Variants in PROSER2 observed in about 807,000 individuals in gnomAD.
PROSER2 encodes the protein proline and serine-rich protein 2.
PROSER2 carries 18 observed loss-of-function variants against 14.6 expected under a neutral mutation model. The ratio of observed to expected loss-of-function variants is 1.23; its 90% CI spans 0.85 to 1.83. The LOEUF (loss-of-function observed/expected upper bound fraction) is 1.83, where lower values mean the gene tolerates loss of function less well. PROSER2 is among the 40% of genes most tolerant of loss of function. The probability of loss-of-function intolerance (pLI) is 0.00; values close to 1 mark genes in which losing one functional copy is unlikely to be tolerated. For missense variants in PROSER2, 823 were observed against 629.8 expected (o/e 1.31, Z -3.28); for synonymous variants, 367 against 286.4 (o/e 1.28, Z -2.84).
rs1036147863 is a variant in PROSER2, at chr10:11,836,344, A to T, written c.-82+12874A>T. Among the ~76,000 whole-genome samples, 6 of 151,964 alleles carry T rather than the reference A, an allele frequency of 3.9e-5. No individual in the cohort carries two copies. The highest frequency in any genetic ancestry group is 1.5e-4 in the African/African-American group (6 of 41,366). On this transcript the variant is annotated intron_variant, in intron 1 of 3. Transcript: ENST00000277570. This position sits in a 1 kb window ranked among gnomAD's most constrained non-coding sequence, Gnocchi z 4.6. ...CCCAAGTAGTTGGGATTACGGGCGC[A>T]TACCACCACACCCGGCTAATTTTTG...
At position 11,869,115 on chromosome 10, in the gene PROSER2, G is replaced by A. The variant is rs1245333892; in HGVS notation, c.392-375G>A. Among the ~76,000 whole-genome samples, 4 of 152,206 alleles carry A rather than the reference G, an allele frequency of 2.6e-5. No homozygotes were observed. The highest frequency in any genetic ancestry group is 9.6e-5 in the African/African-American group (4 of 41,456). ...TCCAGAAAGACCTGCTGGTGTCGGTGTGTGCCACACACTTTCTAGACTCAA... is the reference window on the plus strand; with the variant it reads ...TCCAGAAAGACCTGCTGGTGTCGGTATGTGCCACACACTTTCTAGACTCAA... On this transcript the variant is annotated intron_variant, in intron 3 of 3. Coordinates refer to ENST00000277570, the MANE Select transcript of PROSER2 (RefSeq NM_153256.4). This position sits in a 1 kb window ranked among gnomAD's most constrained non-coding sequence, Gnocchi z 4.4.
chr10:11,841,658 C>G (rs916318482), intron 1 of PROSER2, among the ~76,000 whole-genome samples: 1 of 152,162 alleles, frequency 6.6e-6, no homozygotes, highest in Non-Finnish European at 1.5e-5. Flanking sequence ...AGTATAAATT[C>G]CTAGTGCCTA....
chr10:11,829,257 G>A (rs907059670), intron 1 of PROSER2, among the ~76,000 whole-genome samples: 2 of 151,598 alleles, frequency 1.3e-5, no homozygotes, highest in Non-Finnish European at 1.5e-5. Flanking sequence ...GTCAATTGTC[G>A]AATTGAATTT....
At chr10:11,857,938 T>C (rs1834155563) in intron 2 of PROSER2, among the ~76,000 whole-genome samples, 1 of 151,962 alleles carries the variant, frequency 6.6e-6, no homozygotes. Flanking sequence ...TAAATTTCTT[T>C]TTTTTTCCCC....
At chr10:11,833,955 G>A (rs941113377) in intron 1 of PROSER2, among the ~76,000 whole-genome samples, 13 of 150,012 alleles carry the variant, frequency 8.7e-5, no homozygotes, top group Admixed American at 8.6e-4. Flanking sequence ...GGAGGCAGTG[G>A]GAAGGGGTTC....
At position 11,870,451 on chromosome 10, in the gene PROSER2, G is replaced by T; in HGVS notation, c.*45G>T. On this transcript the variant is annotated 3_prime_UTR_variant, in exon 4 of 4. Transcript: ENST00000277570. The stretch of plus-strand genomic sequence containing the variant: ...CCACCCCGTTTCTCCCCACCCTGAA[G>T]AGAGGGTGAAAGAGTCGCTGCACCC... The T allele has an allele frequency of 2.2e-6, 3 of 1,386,838 alleles. No homozygotes were observed. Among genetic ancestry groups the T allele is most frequent in the Non-Finnish European group, 2.8e-6 (3 of 1,058,724 alleles). The allele number at this position is 1,386,838 out of a possible 1,614,324, so 85.9% of individuals were successfully genotyped here.
rs752504824 is a variant in PROSER2, at chr10:11,856,326, C to T, written c.138+4111C>T. ...CTCACAAAACCCCCTGGGTGCACGG[C>T]GAGGGCACGGTGCTGCCTCACACCA... On this transcript the variant is annotated intron_variant, in intron 2 of 3. Coordinates refer to ENST00000277570, the MANE Select transcript of PROSER2 (RefSeq NM_153256.4). This position sits in a 1 kb window ranked among gnomAD's most constrained non-coding sequence, Gnocchi z 5.3. 6.6e-5 allele frequency among the ~76,000 whole-genome samples: 10 copies of T among 152,298 alleles called. No individual in the cohort carries two copies. The highest frequency in any genetic ancestry group is 3.9e-4 in the East Asian group (2 of 5,184).
At chr10:11,852,480 G>A (rs1307364486) in intron 2 of PROSER2, among the ~76,000 whole-genome samples, 1 of 151,982 alleles carries the variant, frequency 6.6e-6, no homozygotes, top group Non-Finnish European at 1.5e-5. Context: ...CCAGGCCCGG[G>A]GCAGAAACCA....
chr10:11,868,234 G>C (rs905509997), intron 3 of PROSER2, among the ~76,000 whole-genome samples: 28 of 152,172 alleles, frequency 1.8e-4, no homozygotes, highest in African/African-American at 6.5e-4. Context: ...TGAAAAATCA[G>C]CTACACCTGT....
At chr10:11,845,139 A>T (rs1453396161) in intron 1 of PROSER2, among the ~76,000 whole-genome samples, 1 of 152,172 alleles carries the variant, frequency 6.6e-6, no homozygotes, top group Non-Finnish European at 1.5e-5. Flanking sequence ...AACCTAATAC[A>T]TATGTCCCTG....
intron 1 of PROSER2, among the ~76,000 whole-genome samples, chr10:11,846,486 A>T (rs181019872): frequency 2.0e-5 from 3 of 152,090 alleles, no homozygotes; most frequent in African/African-American, 7.2e-5. Context: ...TTCTCTCTCT[A>T]GCTATATTTG....
chr10:11,867,756 C>T (rs1205074217), intron 3 of PROSER2, among the ~76,000 whole-genome samples: 2 of 152,228 alleles, frequency 1.3e-5, no homozygotes, highest in Non-Finnish European at 2.9e-5. Flanking sequence ...CTGTGCGCCC[C>T]AGTTCCTAAC....
Position 11,869,716 on chromosome 10 carries a change from G to T in PROSER2, c.618G>T (p.Ala206=). The part of the protein sequence containing the change: ...VMAQKISERM[A]GNEALSPTSP... ...CGCAGAAGATTTCCGAGAGGATGGC[G>T]GGGAACGAAGCCCTCTCGCCCACCT... is the stretch of plus-strand genomic sequence containing the variant. The change falls in exon 4 of 4, where the codon GCG becomes GCT. Residue 206 remains alanine (A), a synonymous_variant. Transcript: ENST00000277570. This position sits in a 1 kb window ranked among gnomAD's most constrained non-coding sequence, Gnocchi z 4.4. 6.3e-7 allele frequency: 1 copy of T among 1,593,310 alleles called. No individual in the cohort carries two copies. The highest frequency in any genetic ancestry group is 2.3e-5 in the East Asian group (1 of 43,542).
At chr10:11,868,571 T>C (rs1400177339) in intron 3 of PROSER2, among the ~76,000 whole-genome samples, 2 of 152,120 alleles carry the variant, frequency 1.3e-5, no homozygotes, top group Non-Finnish European at 2.9e-5. Flanking sequence ...ACCTGGCATA[T>C]TCATAACAAC....
chr10:11,844,679 T>C (rs1833898549), intron 1 of PROSER2, among the ~76,000 whole-genome samples: 2 of 152,370 alleles, frequency 1.3e-5, no homozygotes, highest in Non-Finnish European at 1.5e-5. Flanking sequence ...TGCAGTGCAG[T>C]GGCACGATCT....
intron 2 of PROSER2, among the ~76,000 whole-genome samples, chr10:11,855,842 G>T (rs1834114159): frequency 6.6e-6 from 1 of 152,198 alleles, no homozygotes. Flanking sequence ...GGATTGTTGA[G>T]GCTATCCGTA....
At chr10:11,846,644 A>G (rs116172189) in intron 1 of PROSER2, among the ~76,000 whole-genome samples, 1 of 152,292 alleles carries the variant, frequency 6.6e-6, no homozygotes, top group African/African-American at 2.4e-5. Context: ...GCAGGGAGTC[A>G]CAGGTGTTTT....
rs1834361192 is a variant in PROSER2 at position 11,866,926 on chromosome 10, C to T, written c.391+143C>T. ...TTTTATAGGGGAAAATACTCCTTGG[C>T]AGTTTCATCATCCAGCAAAGGGAAA... On this transcript the variant is annotated intron_variant, in intron 3 of 3. Transcript: ENST00000277570. This position sits in a 1 kb window ranked among gnomAD's most constrained non-coding sequence, Gnocchi z 6.0. 4 of 997,030 alleles carry T rather than the reference C, an allele frequency of 4.0e-6. No individual in the cohort carries two copies. Among genetic ancestry groups the T allele is most frequent in the Non-Finnish European group, 4.3e-6 (3 of 699,582 alleles). 61.8% of individuals were successfully genotyped at this position (997,030 alleles called of 1,614,324 possible).
chr10:11,835,115 A>C (rs1263107924), intron 1 of PROSER2, among the ~76,000 whole-genome samples: 1 of 151,426 alleles, frequency 6.6e-6, no homozygotes, highest in Non-Finnish European at 1.5e-5. Flanking sequence ...TTAAAAAAAA[A>C]AAAAAAAAAG....
Sources: allele counts gnomAD v4.1 joint callset (sites outside exome capture counted in the v4.1 genomes callset), GRCh38; gene constraint gnomAD v4.1.1; non-coding constraint Gnocchi (gnomAD v3.1); transcripts MANE v1.5; gene names NCBI Gene and HGNC (gene_info 2026-07-23, HGNC 2026-07-21).